TRPS1: variants seen among roughly 807,000 people sequenced by gnomAD.
The protein encoded by TRPS1 is transcriptional repressor GATA binding 1.
A neutral mutation model predicts 101.2 loss-of-function variants in TRPS1; 6 were observed. That is an observed-to-expected ratio of 0.06 (90% CI 0.03 to 0.12). The LOEUF is 0.12. TRPS1 is among the 10% of genes least tolerant of loss of function. The probability of loss-of-function intolerance (pLI) is 1.00; values close to 1 mark genes in which losing one functional copy is unlikely to be tolerated. For synonymous variants in TRPS1, 578 were observed against 589.8 expected (o/e 0.98, Z 0.29); for missense variants, 1,363 against 1,567.0 (o/e 0.87, Z 2.20).
At position 115,607,837 on chromosome 8, in the gene TRPS1, C is replaced by T. The variant is rs190372462; in HGVS notation, c.967-2835G>A. On this transcript the variant is annotated intron_variant, in intron 3 of 6. Coordinates refer to ENST00000395715, the MANE Select transcript of TRPS1 (RefSeq NM_014112.5). ...TGGTAGATGTACACTCAAGTCATAG[C>T]GAAATATAGATGACATACAACATTT... is the stretch of plus-strand genomic sequence containing the variant. Among the ~76,000 whole-genome samples the T allele has an allele frequency of 1.6e-3, 246 of 151,946 alleles. 3 individuals carry two copies. Among genetic ancestry groups the T allele is most frequent in the Middle Eastern group, 3.4e-3 (1 of 294 alleles).
intron 5 of TRPS1, among the ~76,000 whole-genome samples, chr8:115,572,959 C>A (rs933806763): frequency 6.6e-6 from 1 of 151,930 alleles, no homozygotes; most frequent in Non-Finnish European, 1.5e-5. Flanking sequence ...AATGGAGAAA[C>A]CCCGTCTCTA....
Position 115,604,506 on chromosome 8 carries a change from A to G in TRPS1, c.1463T>C (p.Leu488Pro). 1 of 1,614,054 alleles carries G rather than the reference A, an allele frequency of 6.2e-7. No individual in the cohort carries two copies. The highest frequency in any genetic ancestry group is 1.1e-5 in the South Asian group (1 of 91,086). The change falls in exon 4 of 7, where the codon CTT becomes CCT. Residue 488 changes from leucine (L) to proline (P), a missense_variant. Around this residue, in one of 5 missense-constraint regions of TRPS1, gnomAD observed 1,020 missense variants for 1,073.0 expected, o/e 0.95. Transcript: ENST00000395715. The surrounding 1 kb of genome is among the most constrained non-coding windows in gnomAD (Gnocchi z 4.1). ...GGLNPELNDK[L>P]SRGSVINQND... Reference sequence around the variant, plus strand: ...CTGATTAATGACAGAGCCCCTGGAAAGCTTATCATTTAACTCTGGATTAAG... The same window carrying G: ...CTGATTAATGACAGAGCCCCTGGAAGGCTTATCATTTAACTCTGGATTAAG...
chr8:115,630,183 A>G (rs1818607629), intron 1 of TRPS1, among the ~76,000 whole-genome samples: 1 of 152,022 alleles, frequency 6.6e-6, no homozygotes, highest in Non-Finnish European at 1.5e-5. Context: ...TTCTGGACCC[A>G]TCCCACACAG....
At chr8:115,643,667 C>T (rs1818952508) in intron 1 of TRPS1, among the ~76,000 whole-genome samples, 1 of 152,342 alleles carries the variant, frequency 6.6e-6, no homozygotes, top group East Asian at 1.9e-4. Flanking sequence ...GAATCAACTT[C>T]TTCCAAACTT....
chr8:115,527,158 T>C (rs753059420), intron 5 of TRPS1, among the ~76,000 whole-genome samples: 13 of 152,134 alleles, frequency 8.5e-5, no homozygotes, highest in Non-Finnish European at 1.5e-4. Context: ...TATAAGCTGA[T>C]ATAAACAAAG....
intron 1 of TRPS1, among the ~76,000 whole-genome samples, chr8:115,626,795 A>G (rs1818518203): frequency 6.6e-6 from 1 of 151,794 alleles, no homozygotes; most frequent in Admixed American, 6.6e-5. Flanking sequence ...TTATTTAGAT[A>G]TCCTATTTCA....
chr8:115,650,112 T>C (rs983547788), intron 1 of TRPS1, among the ~76,000 whole-genome samples: 1 of 152,202 alleles, frequency 6.6e-6, no homozygotes, highest in Non-Finnish European at 1.5e-5. Context: ...ACCCTTTCAG[T>C]TGTGGAAAAG....
chr8:115,668,659 G>C lies in TRPS1; in HGVS notation c.-236C>G, dbSNP rs1811993340. The C allele has an allele frequency of 6.6e-6, 1 of 152,264 alleles. No homozygotes were observed. The highest frequency in any genetic ancestry group is 2.4e-5 in the African/African-American group (1 of 41,232). The allele number at this position is 152,264 out of a possible 1,614,324, so 9.4% of individuals were successfully genotyped here. A position where few individuals can be genotyped will look rare whatever the true frequency, so the allele number is the denominator to read the frequency against. ...AGTTGATCTTGGATTATTGCGGGGG[G>C]GAGAGAAAAAGGTCTTTCCTGCCTC... On this transcript the variant is annotated 5_prime_UTR_variant, in exon 1 of 7. Coordinates refer to ENST00000395715, the MANE Select transcript of TRPS1 (RefSeq NM_014112.5).
chr8:115,470,017 C>T (rs564475188), intron 5 of TRPS1, among the ~76,000 whole-genome samples: 62 of 152,286 alleles, frequency 4.1e-4, no homozygotes, highest in African/African-American at 1.4e-3. Flanking sequence ...GCTTGACTAT[C>T]TCTATGATTG....
intron 1 of TRPS1, among the ~76,000 whole-genome samples, chr8:115,626,860 A>G (rs1463436690): frequency 6.6e-6 from 1 of 151,706 alleles, no homozygotes; most frequent in East Asian, 1.9e-4. Context: ...TCATCTTGCT[A>G]TGTTCTCTAG....
intron 5 of TRPS1, among the ~76,000 whole-genome samples, chr8:115,459,325 A>G (rs1814107005): frequency 1.5e-5 from 1 of 67,886 alleles, no homozygotes; most frequent in African/African-American, 3.8e-5. Flanking sequence ...CTCTGTCTCA[A>G]ATAATAATAA....
intron 5 of TRPS1, among the ~76,000 whole-genome samples, chr8:115,460,082 G>A (rs1389623252): frequency 6.6e-6 from 1 of 152,200 alleles, no homozygotes; most frequent in East Asian, 1.9e-4. Context: ...GAAAGACATT[G>A]CTTAGGGAGG....
chr8:115,423,477 T>C (rs1563721141), intron 5 of TRPS1, among the ~76,000 whole-genome samples: 1 of 152,250 alleles, frequency 6.6e-6, no homozygotes, highest in Non-Finnish European at 1.5e-5. Flanking sequence ...ATGTAGGTGA[T>C]GGATCTGAAC....
intron 5 of TRPS1, among the ~76,000 whole-genome samples, chr8:115,510,783 C>T (rs1039188587): frequency 1.4e-4 from 22 of 151,830 alleles, no homozygotes; most frequent in Non-Finnish European, 2.8e-4. Flanking sequence ...ATTCTTCTTG[C>T]CATACTGAAG....
intron 1 of TRPS1, among the ~76,000 whole-genome samples, chr8:115,654,125 T>C (rs532910608): frequency 1.3e-5 from 2 of 152,310 alleles, no homozygotes; most frequent in African/African-American, 4.8e-5. Flanking sequence ...AGAGAAATAT[T>C]CCTGTATTTC....
At chr8:115,560,817 C>CCAT (rs1293485204) in intron 5 of TRPS1, among the ~76,000 whole-genome samples, 3 of 152,042 alleles carry the variant, frequency 2.0e-5, no homozygotes, top group Non-Finnish European at 2.9e-5. Flanking sequence ...GTATTAAACA[C>CCAT]CATCAGTTTA....
chr8:115,668,516 C>G (rs1389952309), intron 1 of TRPS1, 29 bp downstream of exon 1: 1 of 146,334 alleles, frequency 6.8e-6, no homozygotes, highest in South Asian at 2.0e-4. Context: ...CCCCCGGCCC[C>G]GCGGCCCGCT....
intron 5 of TRPS1, among the ~76,000 whole-genome samples, chr8:115,451,536 T>G (rs960802561): frequency 6.6e-6 from 1 of 152,196 alleles, no homozygotes; most frequent in East Asian, 1.9e-4. Context: ...CTAGATCATT[T>G]AAGGGAAGTC....
chr8:115,493,157 T>A (rs2130112090), intron 5 of TRPS1, among the ~76,000 whole-genome samples: 1 of 152,246 alleles, frequency 6.6e-6, no homozygotes, highest in East Asian at 1.9e-4. Context: ...TTAGCAAGAG[T>A]CTGCTAGTGA....
Sources: allele counts gnomAD v4.1 joint callset (sites outside exome capture counted in the v4.1 genomes callset), GRCh38; gene constraint gnomAD v4.1.1; regional missense constraint gnomAD v4.1.1; non-coding constraint Gnocchi (gnomAD v3.1); transcripts MANE v1.5; gene names NCBI Gene and HGNC (gene_info 2026-07-23, HGNC 2026-07-21).